CDKL3: variants seen among roughly 807,000 people sequenced by gnomAD.
CDKL3 encodes cyclin dependent kinase like 3, also known as cyclin-dependent kinase-like 3.
Under a neutral mutation model 69.3 loss-of-function variants are expected in CDKL3, and 65 were observed. The ratio of observed to expected loss-of-function variants is 0.94; its 90% CI spans 0.77 to 1.15. The LOEUF (loss-of-function observed/expected upper bound fraction) is 1.15, where lower values mean the gene tolerates loss of function less well. Ranked by LOEUF, CDKL3 falls within the 50% of genes most tolerant of loss-of-function variation. CDKL3 has a pLI of 0.00. For synonymous variants in CDKL3, 202 were observed against 221.6 expected (o/e 0.91, Z 0.79); for missense variants, 652 against 689.2 (o/e 0.95, Z 0.61).
chr5:134,304,173 CCTG>C (rs1200778233), intron 11 of CDKL3, among the ~76,000 whole-genome samples: 1 of 152,090 alleles, frequency 6.6e-6, no homozygotes, highest in African/African-American at 2.4e-5. Flanking sequence ...AAGCAATCCT[CCTG>C]CATTGGCCTC....
intron 3 of CDKL3, among the ~76,000 whole-genome samples, chr5:134,359,269 G>C (rs1283615319): frequency 6.6e-6 from 1 of 151,992 alleles, no homozygotes. Flanking sequence ...TTGTACTCCA[G>C]CCTGGGCAAC....
At chr5:134,313,200 G>C (rs1488794172) in intron 6 of CDKL3, among the ~76,000 whole-genome samples, 2 of 152,154 alleles carry the variant, frequency 1.3e-5, no homozygotes, top group African/African-American at 4.8e-5. Context: ...AATTACAGAA[G>C]ACAGCCACTG....
chr5:134,326,548 G>C (rs1774240243), intron 4 of CDKL3, among the ~76,000 whole-genome samples: 1 of 151,418 alleles, frequency 6.6e-6, no homozygotes, highest in Non-Finnish European at 1.5e-5. Context: ...GGGTAAGGAA[G>C]GATTAAAAAA....
chr5:134,338,527 T>TA lies in CDKL3; in HGVS notation c.539+11721dup, dbSNP rs1049893256. Among the ~76,000 whole-genome samples the TA allele has an allele frequency of 4.4e-3, 631 of 143,328 alleles. 3 individuals carry two copies. Among genetic ancestry groups the TA allele is most frequent in the African/African-American group, 0.014 (540 of 39,388 alleles). The allele number at this position is 143,328 out of a possible 152,430, so 94.0% of individuals were successfully genotyped here. ...CAATATGGTGAAACTCCATCTCTGC[T>TA]AAAAAAAAAAATACAAAAATTAGCC... On this transcript the variant is annotated intron_variant, in intron 4 of 12. Coordinates refer to ENST00000265334, the MANE Select transcript of CDKL3 (RefSeq NM_001113575.2).
chr5:134,297,943 TGTG>T (rs1561487875), downstream of CDKL3, among the ~76,000 whole-genome samples: 4 of 140,028 alleles, frequency 2.9e-5, no homozygotes, highest in African/African-American at 1.2e-4. Flanking sequence ...TGTGTGTGTG[TGTG>T]TTTTGAGACA....
At chr5:134,297,202 T>A (rs566910843), downstream of CDKL3, among the ~76,000 whole-genome samples, 301 of 152,266 alleles carry the variant, frequency 2.0e-3, 1 homozygote, top group Non-Finnish European at 1.7e-3. Context: ...TCCGCCTGCC[T>A]TGGCCTCCCA....
At chr5:134,307,792 A>G (rs1768282590) in intron 9 of CDKL3, among the ~76,000 whole-genome samples, 1 of 152,254 alleles carries the variant, frequency 6.6e-6, no homozygotes, top group African/African-American at 2.4e-5. Flanking sequence ...TTGCTATGAT[A>G]CAGAAATAAA....
At chr5:134,286,050 A>C (rs1378351479), downstream of CDKL3, among the ~76,000 whole-genome samples, 1 of 152,224 alleles carries the variant, frequency 6.6e-6, no homozygotes, top group Non-Finnish European at 1.5e-5. Context: ...TGAACCCAGT[A>C]GGCACAGGTT....
At chr5:134,363,291 G>A (rs1262526262) in intron 2 of CDKL3, among the ~76,000 whole-genome samples, 3 of 151,876 alleles carry the variant, frequency 2.0e-5, no homozygotes. Flanking sequence ...AAATAGAGCT[G>A]TTCTATTTAT....
At chr5:134,370,664 G>C (rs1270872794), upstream of CDKL3, among the ~76,000 whole-genome samples, 1 of 152,142 alleles carries the variant, frequency 6.6e-6, no homozygotes, top group Non-Finnish European at 1.5e-5. Context: ...TATTTGCCCA[G>C]AATTTCCAAT....
intron 4 of CDKL3, among the ~76,000 whole-genome samples, chr5:134,338,214 G>A (rs1777567737): frequency 6.6e-6 from 1 of 152,062 alleles, no homozygotes; most frequent in South Asian, 2.1e-4. Context: ...ATTATTAGAT[G>A]TAATATGTAC....
At chr5:134,336,427 C>A (rs1777125928) in intron 4 of CDKL3, among the ~76,000 whole-genome samples, 1 of 152,196 alleles carries the variant, frequency 6.6e-6, no homozygotes, top group Non-Finnish European at 1.5e-5. Flanking sequence ...GAATTTTCAG[C>A]CTTTCTGCTC....
chr5:134,310,394 G>A (rs529984371), intron 7 of CDKL3, among the ~76,000 whole-genome samples: 34 of 151,584 alleles, frequency 2.2e-4, no homozygotes, highest in African/African-American at 6.8e-4. Flanking sequence ...GTTTCACCGC[G>A]TTAGTCAGGA....
intron 8 of CDKL3, 50 bp from the exon 9 acceptor site, chr5:134,308,516 C>T: frequency 4.5e-6 from 7 of 1,552,232 alleles, no homozygotes; most frequent in Non-Finnish European, 6.1e-6. Context: ...TTATTTTTGT[C>T]ATTAGAGTCT....
chr5:134,283,734 C>G (rs982752935), downstream of CDKL3, among the ~76,000 whole-genome samples: 1 of 152,010 alleles, frequency 6.6e-6, no homozygotes, highest in Non-Finnish European at 1.5e-5. Context: ...TAACTCATTT[C>G]AGCATTAACT....
intron 8 of CDKL3, among the ~76,000 whole-genome samples, chr5:134,287,238 T>G (rs886277727): frequency 6.6e-6 from 1 of 152,220 alleles, no homozygotes; most frequent in African/African-American, 2.4e-5. Context: ...TAAAAGTCAC[T>G]GAATTTGACA....
At chr5:134,327,695 G>T (rs1774750558) in intron 4 of CDKL3, among the ~76,000 whole-genome samples, 1 of 152,142 alleles carries the variant, frequency 6.6e-6, no homozygotes, top group South Asian at 2.1e-4. Flanking sequence ...TAAATATTGA[G>T]CACAGAAACT....
At chr5:134,327,937 T>G (rs1774807540) in intron 4 of CDKL3, among the ~76,000 whole-genome samples, 1 of 152,106 alleles carries the variant, frequency 6.6e-6, no homozygotes, top group African/African-American at 2.4e-5. Context: ...GGTTTAATAC[T>G]GTGTGTGTGG....
upstream of CDKL3, chr5:134,371,552 G>C (rs759016254): frequency 6.2e-7 from 1 of 1,604,602 alleles, no homozygotes; most frequent in Non-Finnish European, 8.5e-7. Context: ...GGGGCTGCGC[G>C]GGACTTTTTT....
Sources: allele counts gnomAD v4.1 joint callset (sites outside exome capture counted in the v4.1 genomes callset), GRCh38; gene constraint gnomAD v4.1.1; transcripts MANE v1.5; gene names NCBI Gene and HGNC (gene_info 2026-07-23, HGNC 2026-07-21).